The following UNC79 variants were observed in gnomAD, a reference collection of about 807,000 sequenced individuals.
The protein encoded by UNC79 is protein unc-79 homolog.
A neutral mutation model predicts 283.1 loss-of-function variants in UNC79; 37 were observed. That is an observed-to-expected ratio of 0.13 (90% CI 0.10 to 0.17). The LOEUF (loss-of-function observed/expected upper bound fraction) is 0.17, where lower values mean the gene tolerates loss of function less well. Among genes scored for constraint, UNC79 ranks in the 10% least tolerant of loss-of-function variants. The pLI is 1.00. For missense variants in UNC79, 2,272 were observed against 3,211.1 expected, an observed-to-expected ratio of 0.71 and a Z score of 7.07; for synonymous variants, 1,107 against 1,200.2, an observed-to-expected ratio of 0.92 and a Z score of 1.61.
rs567413321 is a variant in UNC79 at position 93,526,136 on chromosome 14, G to A, written c.963+2094G>A. ...TCATATCCCCCAAATCTTACTTTCT[G>A]AACTCCAGTTTCCTTAAAGACCCTT... On this transcript the variant is annotated intron_variant, in intron 8 of 48. Coordinates refer to ENST00000555664, the Ensembl canonical transcript of UNC79. 1.9e-3 allele frequency among the ~76,000 whole-genome samples: 291 copies of A among 152,148 alleles called. 2 individuals carry two copies. Among genetic ancestry groups the A allele is most frequent in the African/African-American group, 6.7e-3 (276 of 41,500 alleles).
At chr14:93,656,049 G>A (rs2070893624) in intron 38 of UNC79, among the ~76,000 whole-genome samples, 1 of 152,346 alleles carries the variant, frequency 6.6e-6, no homozygotes, top group East Asian at 1.9e-4. Flanking sequence ...CAAATTCAGA[G>A]AGATGGTATA....
chr14:93,647,603 G>A (rs555989982), intron 35 of UNC79, among the ~76,000 whole-genome samples: 4 of 152,300 alleles, frequency 2.6e-5, no homozygotes, highest in Admixed American at 6.5e-5. Flanking sequence ...GCTGGAGCAG[G>A]TTGAGTATGA....
intron 39 of UNC79, among the ~76,000 whole-genome samples, chr14:93,662,103 A>C (rs2071663177): frequency 6.6e-6 from 1 of 152,182 alleles, no homozygotes; most frequent in African/African-American, 2.4e-5. Context: ...AAAACAGACT[A>C]TGCCTTCCTG....
rs114915545 is a variant in UNC79 at position 93,652,119 on chromosome 14, G to A, written c.6084-1623G>A. 3.4e-3 allele frequency among the ~76,000 whole-genome samples: 516 copies of A among 152,136 alleles called. 3 individuals carry two copies. Among genetic ancestry groups the A allele is most frequent in the African/African-American group, 0.011 (477 of 41,508 alleles). On this transcript the variant is annotated intron_variant, in intron 35 of 48. Transcript: ENST00000555664. ...CTCAGACTGCCAGTGTAATCATAGA[G>A]ATGGGAGAGTCGGCACCCTTTTCTT... is the stretch of plus-strand genomic sequence containing the variant.
chr14:93,504,871 A>T (rs1345887129), intron 7 of UNC79, among the ~76,000 whole-genome samples: 3 of 152,040 alleles, frequency 2.0e-5, no homozygotes, highest in Non-Finnish European at 2.9e-5. Flanking sequence ...CAGTGACTTA[A>T]ATCTCACTGC....
intron 46 of UNC79, among the ~76,000 whole-genome samples, chr14:93,692,169 C>T (rs1267629929): frequency 2.0e-4 from 30 of 152,120 alleles, no homozygotes; most frequent in South Asian, 2.1e-4. Flanking sequence ...ATCTATTGTA[C>T]GCCGTGGTGA....
intron 31 of UNC79, 130 bp downstream of exon 33, chr14:93,631,038 AG>A (rs2067992024): frequency 1.2e-6 from 1 of 836,412 alleles, no homozygotes; most frequent in African/African-American, 1.7e-5. Context: ...CCTTGGTGAT[AG>A]TATGTTGTAT....
chr14:93,425,893 A>T (rs1595460300), upstream of UNC79, among the ~76,000 whole-genome samples: 1 of 152,324 alleles, frequency 6.6e-6, no homozygotes, highest in Non-Finnish European at 1.5e-5. Flanking sequence ...AAAAGACTCC[A>T]TAAACAAAGT....
chr14:93,656,712 C>T (rs2070975606), intron 38 of UNC79, among the ~76,000 whole-genome samples: 1 of 152,078 alleles, frequency 6.6e-6, no homozygotes, highest in Non-Finnish European at 1.5e-5. Flanking sequence ...ATGGCATGTA[C>T]CTTTTGTCCC....
At position 93,690,261 on chromosome 14, in the gene UNC79, C is replaced by T. The variant is rs1344557131; in HGVS notation, c.7230C>T (p.Asp2410=). 1.2e-6 allele frequency: 2 copies of T among 1,614,042 alleles called. No individual in the cohort carries two copies. The highest frequency in any genetic ancestry group is 1.3e-5 in the African/African-American group (1 of 74,920). Residue 2410 remains aspartate (D), a synonymous_variant, in exon 45 of 49, where the codon GAC becomes GAT. Transcript: ENST00000555664. This position sits in a 1 kb window ranked among gnomAD's most constrained non-coding sequence, Gnocchi z 4.3. ...TGGATGCAGGCTCCCACGTTGCAGA[C>T]CATCTTATTGTTATCCTGATTGGAT...
intron 14 of UNC79, among the ~76,000 whole-genome samples, chr14:93,571,091 GA>G (rs1317304037): frequency 1.3e-5 from 2 of 151,992 alleles, no homozygotes; most frequent in African/African-American, 4.8e-5. Context: ...AGAATTGATT[GA>G]TTTTTTGGAA....
At chr14:93,600,805 C>T (rs2065442571) in intron 25 of UNC79, 35 bp downstream of exon 25, 3 of 1,601,690 alleles carry the variant, frequency 1.9e-6, no homozygotes, top group South Asian at 1.1e-5. Context: ...TAAACCGTTG[C>T]AGTTCCCATT....
chr14:93,620,794 A>G (rs758029949), intron 29 of UNC79, 98 bp from the exon 31 acceptor site: 1 of 347,808 alleles, frequency 2.9e-6, no homozygotes, highest in Non-Finnish European at 5.7e-6. Flanking sequence ...ACTAACCCAG[A>G]CCTTGTTCCA....
intron 20 of UNC79, among the ~76,000 whole-genome samples, chr14:93,583,192 A>T (rs1313402405): frequency 6.6e-6 from 1 of 152,012 alleles, no homozygotes; most frequent in Non-Finnish European, 1.5e-5. Flanking sequence ...GTGGTGGCTC[A>T]TGCCTGTAAT....
At chr14:93,632,858 C>T (rs2140099450) in intron 31 of UNC79, among the ~76,000 whole-genome samples, 1 of 152,008 alleles carries the variant, frequency 6.6e-6, no homozygotes, top group Non-Finnish European at 1.5e-5. Context: ...TTGGATTTAG[C>T]TTAGCACTTA....
intron 5 of UNC79, among the ~76,000 whole-genome samples, chr14:93,491,098 C>G (rs541706366): frequency 6.6e-6 from 1 of 152,254 alleles, no homozygotes; most frequent in East Asian, 1.9e-4. Flanking sequence ...GGCTGTCGTT[C>G]TGCTGTGTCC....
At chr14:93,479,296 C>T (rs2057995011) in intron 4 of UNC79, among the ~76,000 whole-genome samples, 2 of 132,004 alleles carry the variant, frequency 1.5e-5, no homozygotes, top group South Asian at 4.5e-4. Context: ...TTCGTCCCTT[C>T]TTTCTTTCTT....
intron 7 of UNC79, among the ~76,000 whole-genome samples, chr14:93,507,633 A>G (rs979130687): frequency 2.6e-5 from 4 of 152,162 alleles, no homozygotes; most frequent in African/African-American, 9.7e-5. Flanking sequence ...GATTTATATA[A>G]TACAAATATT....
In UNC79 at chr14:93,531,619, C is replaced by A. The variant is rs1353368592; in HGVS notation, c.1094-931C>A. 6.6e-6 allele frequency among the ~76,000 whole-genome samples: 1 copy of A among 152,220 alleles called. No individual in the cohort carries two copies. The highest frequency in any genetic ancestry group is 1.5e-5 in the Non-Finnish European group (1 of 68,036). ...TTAAATAACCCTACAGCTGGTTTTACACACACACGTTAAGAGTGATATAAA... is the reference window on the plus strand; with the variant it reads ...TTAAATAACCCTACAGCTGGTTTTAAACACACACGTTAAGAGTGATATAAA... On this transcript the variant is annotated intron_variant, in intron 10 of 48. Transcript: ENST00000555664. The surrounding 1 kb of genome is among the most constrained non-coding windows in gnomAD (Gnocchi z 4.2).
Sources: allele counts gnomAD v4.1 joint callset (sites outside exome capture counted in the v4.1 genomes callset), GRCh38; gene constraint gnomAD v4.1.1; non-coding constraint Gnocchi (gnomAD v3.1); transcripts MANE v1.5; gene names NCBI Gene and HGNC (gene_info 2026-07-23, HGNC 2026-07-21).